The following RAB19 variants were observed in gnomAD, a reference collection of about 807,000 sequenced individuals.
RAB19 encodes the protein ras-related protein Rab-19.
RAB19 carries 21 observed loss-of-function variants against 17.3 expected under a neutral mutation model. The observed-to-expected ratio is 1.21, with a 90% CI of 0.86 to 1.74. The LOEUF (loss-of-function observed/expected upper bound fraction) is 1.74. Ranked by LOEUF, RAB19 falls within the 40% of genes most tolerant of loss-of-function variation. RAB19 has a pLI of 0.00. For missense variants in RAB19, 277 were observed against 286.8 expected, an observed-to-expected ratio of 0.97 and a Z score of 0.25; for synonymous variants, 126 against 110.4, an observed-to-expected ratio of 1.14 and a Z score of -0.88.
chr7:140,425,794 A>C (rs1799655224), intron 3 of RAB19, 88 bp from the exon 4 acceptor site: 3 of 1,415,768 alleles, frequency 2.1e-6, no homozygotes, highest in East Asian at 2.3e-5. Flanking sequence ...ATGCCTATTG[A>C]AGAACTAAAA....
At chr7:140,418,359 C>G (rs1799497049) in intron 3 of RAB19, among the ~76,000 whole-genome samples, 1 of 137,720 alleles carries the variant, frequency 7.3e-6, no homozygotes, top group African/African-American at 2.8e-5. Context: ...GGAGACCAGC[C>G]TGGGCAACAT....
At position 140,427,782 on chromosome 7, in the gene RAB19, G is replaced by A. The variant is rs892542820; in HGVS notation, c.*1632G>A. ...TTATTATTATTATTGTAGAAATGAA[G>A]TCTTGCTACGTTGCCCAGGCTGGTC... is the stretch of plus-strand genomic sequence containing the variant. On this transcript the variant is annotated 3_prime_UTR_variant, in exon 4 of 4. Transcript: ENST00000537763. Among the ~76,000 whole-genome samples, 2 of 150,712 alleles carry A rather than the reference G, an allele frequency of 1.3e-5. No individual in the cohort carries two copies. The highest frequency in any genetic ancestry group is 3.0e-5 in the Non-Finnish European group (2 of 67,756).
chr7:140,409,519 A>T (rs1026458771), intron 2 of RAB19, among the ~76,000 whole-genome samples: 4 of 151,802 alleles, frequency 2.6e-5, no homozygotes, highest in African/African-American at 4.8e-5. Context: ...ACGGGGGGAA[A>T]CCCCATCTCT....
At chr7:140,412,188 A>T in intron 3 of RAB19, 131 bp downstream of exon 3, 1 of 965,918 alleles carries the variant, frequency 1.0e-6, no homozygotes. Context: ...ACAGTGGCTC[A>T]CACCTGTAAT....
intron 2 of RAB19, 165 bp from the exon 3 acceptor site, chr7:140,411,709 G>T (rs2971688): frequency 2.7e-6 from 4 of 1,456,456 alleles, no homozygotes; most frequent in South Asian, 1.4e-5. Flanking sequence ...AGTCATCCAG[G>T]GAGCAACTGA....
chr7:140,418,250 G>A (rs1023010331), intron 3 of RAB19, among the ~76,000 whole-genome samples: 6 of 151,934 alleles, frequency 3.9e-5, no homozygotes, highest in African/African-American at 1.2e-4. Flanking sequence ...AACACCAGCT[G>A]GGTCAAGACA....
rs941470290 is a variant in RAB19 at position 140,422,324 on chromosome 7, G to T, written c.386-3558G>T. Among the ~76,000 whole-genome samples the T allele has an allele frequency of 6.6e-5, 10 of 152,206 alleles. 1 individual carries two copies. Among genetic ancestry groups the T allele is most frequent in the African/African-American group, 2.4e-4 (10 of 41,530 alleles). On this transcript the variant is annotated intron_variant, in intron 3 of 3. Transcript: ENST00000537763. ...GAATCACTTGAACCTGGGAAGTGGG[G>T]GTTGCAGTGAGCCAAGATCATGCCA...
At position 140,427,969 on chromosome 7, in the gene RAB19, T is replaced by C. The variant is rs971945226; in HGVS notation, c.*1819T>C. 3.3e-5 allele frequency among the ~76,000 whole-genome samples: 5 copies of C among 152,298 alleles called. No individual in the cohort carries two copies. The highest frequency in any genetic ancestry group is 1.2e-4 in the African/African-American group (5 of 41,566). The stretch of plus-strand genomic sequence containing the variant: ...AAAATTAAATTGGTTCATAGATGAA[T>C]ATCAAGCCAGTGTTGTACTGCCCCT... On this transcript the variant is annotated 3_prime_UTR_variant, in exon 4 of 4. Coordinates refer to ENST00000537763, the MANE Select transcript of RAB19 (RefSeq NM_001008749.3).
intron 3 of RAB19, among the ~76,000 whole-genome samples, chr7:140,418,456 G>A (rs1199077065): frequency 6.7e-6 from 1 of 148,632 alleles, no homozygotes; most frequent in African/African-American, 2.5e-5. Context: ...CCTGTATGTA[G>A]TCCCAGCTAC....
At position 140,415,870 on chromosome 7, in the gene RAB19, A is replaced by G. The variant is rs1330282539; in HGVS notation, c.385+3813A>G. On this transcript the variant is annotated intron_variant, in intron 3 of 3. Transcript: ENST00000537763. ...CAGTGAGCTGAGATCACACCAGTGC[A>G]CTCCAACCTGGGTGACAGAGCAAGA... Among the ~76,000 whole-genome samples the G allele has an allele frequency of 2.0e-5, 3 of 151,430 alleles. No individual in the cohort carries two copies. In the East Asian group the frequency reaches 5.8e-4, roughly 29 times the overall value.
chr7:140,423,885 C>T (rs1318953195), intron 3 of RAB19, among the ~76,000 whole-genome samples: 1 of 152,004 alleles, frequency 6.6e-6, no homozygotes, highest in Non-Finnish European at 1.5e-5. Flanking sequence ...CAGAATTTTA[C>T]TCTTGTTACC....
At chr7:140,405,214 T>TGTTG (rs940891132) in intron 1 of RAB19, among the ~76,000 whole-genome samples, 10 of 150,740 alleles carry the variant, frequency 6.6e-5, no homozygotes, top group Non-Finnish European at 1.3e-4. Context: ...TTTGTGTTTT[T>TGTTG]GTTTGTTTGT....
chr7:140,411,502 C>T (rs1322339639), intron 2 of RAB19, among the ~76,000 whole-genome samples: 3 of 149,338 alleles, frequency 2.0e-5, no homozygotes, highest in Admixed American at 2.0e-4. Flanking sequence ...TCTTGGGCCA[C>T]ACAAATTACA....
intron 3 of RAB19, among the ~76,000 whole-genome samples, chr7:140,425,113 C>T (rs2130171091): frequency 6.6e-6 from 1 of 152,118 alleles, no homozygotes; most frequent in African/African-American, 2.4e-5. Flanking sequence ...TGGTGAAACC[C>T]TGTCTCTACT....
chr7:140,415,810 C>A (rs951685860), intron 3 of RAB19, among the ~76,000 whole-genome samples: 1 of 151,602 alleles, frequency 6.6e-6, no homozygotes, highest in Admixed American at 6.6e-5. Context: ...GAGGCTGAGG[C>A]AGGAGACTTG....
chr7:140,418,121 C>T (rs1799492404), intron 3 of RAB19, among the ~76,000 whole-genome samples: 1 of 152,108 alleles, frequency 6.6e-6, no homozygotes, highest in Non-Finnish European at 1.5e-5. Context: ...AGCTTTGACA[C>T]TGGGCAGGTT....
chr7:140,411,538 TAA>T (rs11449354), intron 2 of RAB19, among the ~76,000 whole-genome samples: 2 of 144,882 alleles, frequency 1.4e-5, no homozygotes, highest in Non-Finnish European at 1.5e-5. Flanking sequence ...CCTGATGAGC[TAA>T]AAAAAAAAAA....
chr7:140,424,549 T>C (rs1338829004), intron 3 of RAB19, among the ~76,000 whole-genome samples: 2 of 149,332 alleles, frequency 1.3e-5, no homozygotes, highest in East Asian at 2.0e-4. Flanking sequence ...GATATTACCA[T>C]TGGGGGAAAC....
Position 140,426,134 on chromosome 7 carries a change from C to T in RAB19, c.638C>T (p.Thr213Ile). The T allele has an allele frequency of 3.1e-6, 5 of 1,613,418 alleles. No homozygotes were observed. Among genetic ancestry groups the T allele is most frequent in the African/African-American group, 1.3e-5 (1 of 75,040 alleles). ...ATGGCCCAGGGTCCAAGTGAAAAGA[C>T]CCACTGCACTTGCTAAGATGTTTGC... is the stretch of plus-strand genomic sequence containing the variant. ...VLMAQGPSEKTHCTC is the reference protein window; with the variant it reads ...VLMAQGPSEKIHCTC The change falls in exon 4 of 4, where the codon ACC (threonine) becomes ATC (isoleucine). Residue 213 changes from threonine (T) to isoleucine (I), a missense_variant. Coordinates refer to ENST00000537763, the MANE Select transcript of RAB19 (RefSeq NM_001008749.3).
Sources: gnomAD v4.1 joint callset for allele counts (sites outside exome capture counted in the v4.1 genomes callset) on GRCh38, gnomAD v4.1.1 for gene constraint, MANE v1.5 for transcripts, NCBI Gene and HGNC (gene_info 2026-07-23, HGNC 2026-07-21) for gene names.